The following HS3ST4 variants were observed in gnomAD, a reference collection of about 807,000 sequenced individuals.
The protein encoded by HS3ST4 is heparan sulfate-glucosamine 3-sulfotransferase 4.
HS3ST4 carries 17 observed loss-of-function variants against 29.2 expected under a neutral mutation model. The ratio of observed to expected loss-of-function variants is 0.58; its 90% CI spans 0.40 to 0.87. HS3ST4 has a LOEUF of 0.87. Among genes scored for constraint, HS3ST4 ranks in the 40% least tolerant of loss-of-function variants. The probability of loss-of-function intolerance (pLI) is 0.00; values close to 1 mark genes in which losing one functional copy is unlikely to be tolerated. For missense variants in HS3ST4, 627 were observed against 634.5 expected (o/e 0.99, Z 0.13); for synonymous variants, 314 against 285.7 (o/e 1.10, Z -1.00).
At chr16:25,767,711 T>C (rs1342212137) in intron 1 of HS3ST4, among the ~76,000 whole-genome samples, 3 of 152,120 alleles carry the variant, frequency 2.0e-5, no homozygotes, top group African/African-American at 7.2e-5. Flanking sequence ...GAGCACCCAC[T>C]CTGTGCTCGA....
intron 1 of HS3ST4, among the ~76,000 whole-genome samples, chr16:25,747,837 G>A (rs1966694345): frequency 6.6e-6 from 1 of 152,180 alleles, no homozygotes; most frequent in Non-Finnish European, 1.5e-5. Context: ...GGAGGGATAG[G>A]AGGAGAGAAG....
At chr16:26,004,484 G>A (rs767343281) in intron 1 of HS3ST4, among the ~76,000 whole-genome samples, 2 of 152,096 alleles carry the variant, frequency 1.3e-5, no homozygotes, top group South Asian at 4.2e-4. Flanking sequence ...AGGTAAAAGG[G>A]CCCTCAAATG....
intron 1 of HS3ST4, among the ~76,000 whole-genome samples, chr16:25,993,939 C>T (rs1041194049): frequency 1.4e-5 from 2 of 147,386 alleles, no homozygotes; most frequent in African/African-American, 5.1e-5. Flanking sequence ...TGCCTATGCT[C>T]ACATAACCTC....
At position 25,693,093 on chromosome 16, in the gene HS3ST4, G is replaced by C. The variant is rs1417614438; in HGVS notation, c.676G>C (p.Val226Leu). Residue 226 changes from valine to leucine, a missense_variant, in exon 1 of 2, where the codon GTG becomes CTG. Val to Leu is a conservative substitution (Grantham distance 32). Around this residue, in one of 2 missense-constraint regions of HS3ST4, gnomAD observed 225 missense variants for 293.7 expected, o/e 0.77. Transcript: ENST00000331351. ...CCGCGTGCACCCGGACGTGCGGGCG[G>C]TGGGCGTAGAGCCGCACTTCTTCGA... ...AIRVHPDVRA[V>L]GVEPHFFDRN... 1.9e-6 allele frequency: 3 copies of C among 1,608,742 alleles called. No individual in the cohort carries two copies. Among genetic ancestry groups the C allele is most frequent in the Middle Eastern group, 1.6e-4 (1 of 6,074 alleles).
chr16:26,033,714 C>A (rs1969555142), intron 1 of HS3ST4, among the ~76,000 whole-genome samples: 1 of 151,828 alleles, frequency 6.6e-6, no homozygotes, highest in African/African-American at 2.4e-5. Context: ...AGAGCGAGAC[C>A]TTGAGAAAGA....
At chr16:25,740,442 A>G (rs913594002) in intron 1 of HS3ST4, among the ~76,000 whole-genome samples, 19 of 152,156 alleles carry the variant, frequency 1.2e-4, no homozygotes, top group Admixed American at 1.2e-3. Flanking sequence ...AGTTTCTTGG[A>G]TGCACTGAGC....
chr16:25,918,006 G>A (rs904003731), intron 1 of HS3ST4, among the ~76,000 whole-genome samples: 21 of 152,104 alleles, frequency 1.4e-4, no homozygotes, highest in Non-Finnish European at 2.5e-4. Flanking sequence ...TCAGGCTAAC[G>A]CATCTTTTTG....
chr16:25,882,919 T>G (rs1216543949), intron 1 of HS3ST4, among the ~76,000 whole-genome samples: 7 of 152,206 alleles, frequency 4.6e-5, no homozygotes, highest in African/African-American at 1.7e-4. Context: ...TCTCACCAGC[T>G]GTCATTCCTG....
intron 1 of HS3ST4, among the ~76,000 whole-genome samples, chr16:26,003,939 C>A (rs1311793990): frequency 6.6e-6 from 1 of 152,110 alleles, no homozygotes; most frequent in Non-Finnish European, 1.5e-5. Context: ...ATTTGCATTC[C>A]TCATTTTGGT....
At chr16:26,101,366 GC>G (rs980335244) in intron 1 of HS3ST4, among the ~76,000 whole-genome samples, 2 of 152,198 alleles carry the variant, frequency 1.3e-5, no homozygotes, top group African/African-American at 4.8e-5. Flanking sequence ...CTTGCTAAAG[GC>G]TAGAGCTTCC....
chr16:25,706,158 C>T (rs116097267), intron 1 of HS3ST4, among the ~76,000 whole-genome samples: 2 of 152,132 alleles, frequency 1.3e-5, no homozygotes, highest in African/African-American at 2.4e-5. Context: ...ATCATTGTTA[C>T]GTCATTTTTA....
chr16:26,089,492 G>A (rs7193529), intron 1 of HS3ST4, among the ~76,000 whole-genome samples: 68,275 of 152,092 alleles, frequency 0.45, 15,696 homozygotes, highest in Middle Eastern at 0.57. Context: ...TGTCACTGCA[G>A]AGCAGGTCTG....
rs528537325 is a variant in HS3ST4 at position 25,929,867 on chromosome 16, A to G, written c.735-205745A>G. On this transcript the variant is annotated intron_variant, in intron 1 of 1. Transcript: ENST00000331351. ...TTTGTTATATAGGTAAACTTGCGTC[A>G]TGGGCTTTTGTTGTATGGATTATTT... Among the ~76,000 whole-genome samples, 3 of 152,192 alleles carry G rather than the reference A, an allele frequency of 2.0e-5. No homozygotes were observed. In the East Asian group the frequency reaches 5.8e-4, roughly 29 times the overall value.
chr16:25,896,926 C>T (rs1474002561), intron 1 of HS3ST4, among the ~76,000 whole-genome samples: 1 of 152,122 alleles, frequency 6.6e-6, no homozygotes, highest in Non-Finnish European at 1.5e-5. Context: ...CATGTTCTCA[C>T]TTATCAGTGG....
Position 26,136,260 on chromosome 16 carries a change from C to A in HS3ST4, c.*12C>A, listed in dbSNP as rs756777988. On this transcript the variant is annotated 3_prime_UTR_variant, in exon 2 of 2. Coordinates refer to ENST00000331351, the MANE Select transcript of HS3ST4 (RefSeq NM_006040.3). ...AGGGTGATAAATGAGGCTAGAGAGG[C>A]AGAGGAAGGCTAGTCAATAAGCTAA... is the stretch of plus-strand genomic sequence containing the variant. 6 of 1,602,662 alleles carry A rather than the reference C, an allele frequency of 3.7e-6. No individual in the cohort carries two copies. Among genetic ancestry groups the A allele is most frequent in the African/African-American group, 1.3e-5 (1 of 74,702 alleles).
rs149160862 is a variant in HS3ST4 at position 25,704,133 on chromosome 16, G to T, written c.734+10982G>T. 7.9e-5 allele frequency among the ~76,000 whole-genome samples: 12 copies of T among 152,294 alleles called. 1 individual carries two copies. In the East Asian group the frequency reaches 2.1e-3, roughly 27 times the overall value. ...AAATCAGTGAATTCATGAACAAAAA[G>T]AGGACCTTGTATGTACGATACTCCA... On this transcript the variant is annotated intron_variant, in intron 1 of 1. Coordinates refer to ENST00000331351, the MANE Select transcript of HS3ST4 (RefSeq NM_006040.3).
intron 1 of HS3ST4, among the ~76,000 whole-genome samples, chr16:25,914,579 T>A (rs576197027): frequency 1.7e-4 from 26 of 149,308 alleles, no homozygotes; most frequent in African/African-American, 5.2e-4. Flanking sequence ...GGATGTGGTG[T>A]CTGTGGGGAG....
At chr16:25,767,797 A>T (rs1399725160) in intron 1 of HS3ST4, among the ~76,000 whole-genome samples, 1 of 152,214 alleles carries the variant, frequency 6.6e-6, no homozygotes, top group Non-Finnish European at 1.5e-5. Context: ...AAAAAGGCAA[A>T]GTCCCATACT....
chr16:25,964,803 A>G (rs1390551149), intron 1 of HS3ST4, among the ~76,000 whole-genome samples: 2 of 152,140 alleles, frequency 1.3e-5, no homozygotes, highest in African/African-American at 4.8e-5. Flanking sequence ...CTGTAATTTT[A>G]CTTAACATTA....
Sources: allele counts gnomAD v4.1 joint callset (sites outside exome capture counted in the v4.1 genomes callset), GRCh38; gene constraint gnomAD v4.1.1; regional missense constraint gnomAD v4.1.1; transcripts MANE v1.5; gene names NCBI Gene and HGNC (gene_info 2026-07-23, HGNC 2026-07-21).